The following WWOX variants were observed in gnomAD, a reference collection of about 807,000 sequenced individuals.
WWOX encodes the protein WW domain-containing oxidoreductase.
WWOX carries 69 observed loss-of-function variants against 46.2 expected under a neutral mutation model. The ratio of observed to expected loss-of-function variants is 1.49; its 90% CI spans 1.23 to 1.82. The LOEUF (loss-of-function observed/expected upper bound fraction) is 1.82, where lower values mean the gene tolerates loss of function less well. Ranked by LOEUF, WWOX falls within the 40% of genes most tolerant of loss-of-function variation. The pLI, the probability that WWOX is intolerant of heterozygous loss-of-function variation, is 0.00. For missense variants in WWOX, 919 were observed against 542.6 expected (o/e 1.69, Z -6.89); for synonymous variants, 359 against 202.6 (o/e 1.77, Z -6.56).
chr16:79,178,560 T>G (rs2050848105), intron 8 of WWOX, among the ~76,000 whole-genome samples: 1 of 152,090 alleles, frequency 6.6e-6, no homozygotes, highest in African/African-American at 2.4e-5. Context: ...CAAGTGATCC[T>G]CCCGCCTCGA....
chr16:78,598,413 T>A (rs1161050393), intron 8 of WWOX, among the ~76,000 whole-genome samples: 1 of 152,208 alleles, frequency 6.6e-6, no homozygotes, highest in Non-Finnish European at 1.5e-5. Context: ...ATTGAATTTA[T>A]AAGGTATTAT....
chr16:78,673,614 C>T (rs963687735), intron 8 of WWOX, among the ~76,000 whole-genome samples: 9 of 152,094 alleles, frequency 5.9e-5, no homozygotes, highest in South Asian at 2.1e-4. Context: ...TTACGACTTG[C>T]TAAAAGAAAA....
intron 8 of WWOX, among the ~76,000 whole-genome samples, chr16:78,644,646 A>G (rs2046798081): frequency 6.6e-6 from 1 of 152,150 alleles, no homozygotes; most frequent in African/African-American, 2.4e-5. Flanking sequence ...TACTTTTAGT[A>G]GAGATGGGGT....
chr16:78,616,631 C>T (rs757600381), intron 8 of WWOX, among the ~76,000 whole-genome samples: 3 of 151,536 alleles, frequency 2.0e-5, no homozygotes, highest in South Asian at 2.1e-4. Context: ...TAGCCAGGCT[C>T]GGTGGCTTGT....
chr16:78,425,153 G>A, intron 7 of WWOX, 98 bp downstream of exon 7: 1 of 1,517,026 alleles, frequency 6.6e-7, no homozygotes, highest in South Asian at 1.1e-5. Context: ...CATTAGTCCT[G>A]CTTGAGACAT....
chr16:78,812,108 C>G (rs1189397010), intron 8 of WWOX, among the ~76,000 whole-genome samples: 1 of 151,924 alleles, frequency 6.6e-6, no homozygotes, highest in Non-Finnish European at 1.5e-5. Flanking sequence ...CCCCAAAGTC[C>G]CCAGCCACCA....
intron 8 of WWOX, among the ~76,000 whole-genome samples, chr16:79,062,031 G>C (rs1272127107): frequency 6.6e-6 from 1 of 152,110 alleles, no homozygotes; most frequent in Non-Finnish European, 1.5e-5. Flanking sequence ...GGGAGAGTAT[G>C]GTTTGTGATG....
intron 8 of WWOX, among the ~76,000 whole-genome samples, chr16:79,005,999 C>G (rs1295008769): frequency 6.6e-6 from 1 of 152,212 alleles, no homozygotes; most frequent in Non-Finnish European, 1.5e-5. Context: ...AGTCCCCTCT[C>G]TGCAACCATT....
chr16:78,494,062 G>C (rs898326323), intron 8 of WWOX, among the ~76,000 whole-genome samples: 32 of 152,156 alleles, frequency 2.1e-4, no homozygotes, highest in African/African-American at 7.2e-4. Flanking sequence ...TGCCTCTCGG[G>C]AGGCCTCAGG....
intron 8 of WWOX, among the ~76,000 whole-genome samples, chr16:78,780,773 G>A (rs993139671): frequency 1.3e-5 from 2 of 152,178 alleles, no homozygotes; most frequent in African/African-American, 2.4e-5. Flanking sequence ...AAAGGGGCCC[G>A]TATGGCTAGC....
chr16:78,115,054 C>T lies in WWOX; in HGVS notation c.309C>T (p.Thr103=). 3 of 1,614,190 alleles carry T rather than the reference C, an allele frequency of 1.9e-6. No individual in the cohort carries two copies. The highest frequency in any genetic ancestry group is 2.5e-6 in the Non-Finnish European group (3 of 1,180,022). ...ATGATAATCCGACCAAGCCAACCAC[C>T]CGGCAAAGATACGACGGCAGCACCA... ...TVDDNPTKPT[T]RQRYDGSTTA... Residue 103 remains threonine (T), a synonymous_variant, in exon 4 of 9, where the codon ACC becomes ACT. Transcript: ENST00000566780.
At chr16:78,248,621 A>T (rs529389081) in intron 5 of WWOX, among the ~76,000 whole-genome samples, 1 of 152,180 alleles carries the variant, frequency 6.6e-6, no homozygotes, top group East Asian at 1.9e-4. Context: ...CTGTAGTCAC[A>T]GCTACTCAGG....
At chr16:79,039,595 G>A (rs1477485472) in intron 8 of WWOX, among the ~76,000 whole-genome samples, 1 of 152,200 alleles carries the variant, frequency 6.6e-6, no homozygotes, top group Non-Finnish European at 1.5e-5. Context: ...TGCCAGCACT[G>A]GCGAGGGTTT....
At chr16:78,377,167 GA>G (rs962782457) in intron 5 of WWOX, among the ~76,000 whole-genome samples, 16 of 152,310 alleles carry the variant, frequency 1.1e-4, no homozygotes, top group African/African-American at 3.8e-4. Context: ...TTGCTGTTGA[GA>G]ATGTAATTAT....
At chr16:78,800,978 A>C (rs1030010392) in intron 8 of WWOX, among the ~76,000 whole-genome samples, 6 of 152,166 alleles carry the variant, frequency 3.9e-5, no homozygotes, top group Admixed American at 6.5e-5. Flanking sequence ...CATAAATGCA[A>C]ACTATCACCC....
intron 8 of WWOX, among the ~76,000 whole-genome samples, chr16:78,461,698 A>G (rs1174662466): frequency 6.6e-6 from 1 of 152,226 alleles, no homozygotes; most frequent in Non-Finnish European, 1.5e-5. Context: ...ATGTAAAAAT[A>G]CACTGCAAGT....
intron 8 of WWOX, among the ~76,000 whole-genome samples, chr16:78,764,831 T>C (rs576090663): frequency 6.6e-6 from 1 of 152,144 alleles, no homozygotes; most frequent in African/African-American, 2.4e-5. Context: ...TTTGATATTG[T>C]TGCTCATAGC....
intron 8 of WWOX, among the ~76,000 whole-genome samples, chr16:79,050,068 A>C (rs2048137683): frequency 6.6e-6 from 1 of 152,134 alleles, no homozygotes; most frequent in Non-Finnish European, 1.5e-5. Flanking sequence ...TTAGAGCTTC[A>C]AGATGAAGCA....
At chr16:78,316,949 A>G (rs142702086) in intron 5 of WWOX, among the ~76,000 whole-genome samples, 103 of 152,364 alleles carry the variant, frequency 6.8e-4, no homozygotes, top group African/African-American at 2.4e-3. Flanking sequence ...TTTATTGAAC[A>G]TCTAATAAGA....
Sources: gnomAD v4.1 joint callset for allele counts (sites outside exome capture counted in the v4.1 genomes callset) on GRCh38, gnomAD v4.1.1 for gene constraint, MANE v1.5 for transcripts, NCBI Gene and HGNC (gene_info 2026-07-23, HGNC 2026-07-21) for gene names.